ACTN3: variants seen among roughly 807,000 people sequenced by gnomAD.
ACTN3 encodes actinin alpha 3.
A neutral mutation model predicts 119.6 loss-of-function variants in ACTN3; 91 were observed. The observed-to-expected ratio is 0.76, with a 90% CI of 0.64 to 0.91. ACTN3 has a LOEUF of 0.91. Among genes scored for constraint, ACTN3 ranks in the 40% least tolerant of loss-of-function variants. The pLI is 0.00. For synonymous variants in ACTN3, 456 were observed against 478.8 expected (o/e 0.95, Z 0.62); for missense variants, 1,221 against 1,215.1 (o/e 1.00, Z -0.07).
At position 66,555,693 on chromosome 11, in the gene ACTN3, G is replaced by A. The variant is rs142293523; in HGVS notation, c.718+326G>A. Among the ~76,000 whole-genome samples, 18 of 152,334 alleles carry A rather than the reference G, an allele frequency of 1.2e-4. No homozygotes were observed. In the East Asian group the frequency reaches 2.5e-3, roughly 21 times the overall value. On this transcript the variant is annotated intron_variant, in intron 7 of 20. Transcript: ENST00000513398. Reference sequence around the variant, plus strand: ...GTCCTGCCTGTGGTCCCCATGCCTAGGCAAGGCAATAGTCAACTGAAGCAG... The same window carrying A: ...GTCCTGCCTGTGGTCCCCATGCCTAAGCAAGGCAATAGTCAACTGAAGCAG...
intron 19 of ACTN3, 129 bp downstream of exon 19, chr11:66,562,451 G>T: frequency 8.7e-7 from 1 of 1,148,338 alleles, no homozygotes; most frequent in Non-Finnish European, 1.3e-6. Flanking sequence ...ACAGGGGCTA[G>T]CAAGGCTCAG....
chr11:66,549,935 C>T (rs1323455486), intron 1 of ACTN3, among the ~76,000 whole-genome samples: 8 of 152,140 alleles, frequency 5.3e-5, no homozygotes, highest in Admixed American at 3.9e-4. Context: ...GAAGCTCACT[C>T]CCTTTCCTTA....
At chr11:66,553,853 C>CAAAAAA (rs11448724) in intron 3 of ACTN3, among the ~76,000 whole-genome samples, 192 bp from the exon 4 acceptor site, 28 of 81,380 alleles carry the variant, frequency 3.4e-4, no homozygotes, top group Middle Eastern at 6.6e-3. Context: ...GACTCCATCT[C>CAAAAAA]AAAAAAAAAA....
chr11:66,555,608 C>T (rs537182467), intron 7 of ACTN3, among the ~76,000 whole-genome samples: 8 of 152,280 alleles, frequency 5.3e-5, no homozygotes, highest in African/African-American at 1.9e-4. Context: ...GCCTCACATC[C>T]CAGTTACCTG....
chr11:66,559,443 G>A (rs941454386), intron 12 of ACTN3, 57 bp downstream of exon 12: 17 of 1,382,116 alleles, frequency 1.2e-5, no homozygotes, highest in South Asian at 1.6e-5. Flanking sequence ...CCCCGGTGGC[G>A]AGCCCCACCC....
chr11:66,561,159 AG>A (rs1857749787), intron 15 of ACTN3, 67 bp from the exon 16 acceptor site: 1 of 1,456,238 alleles, frequency 6.9e-7, no homozygotes, highest in South Asian at 1.5e-5. Flanking sequence ...GAGGGGCTGG[AG>A]CCCATCTCCC....
At position 66,554,485 on chromosome 11, in the gene ACTN3, G is replaced by A; in HGVS notation, c.470-51G>A. ...AAAAAAAAAAAAAGAAGTGTGAGAG[G>A]GCTGACCTGGACCCCTTCCCAATGA... is the stretch of plus-strand genomic sequence containing the variant. On this transcript the variant is annotated intron_variant, in intron 4 of 20. Coordinates refer to ENST00000513398, the MANE Select transcript of ACTN3 (RefSeq NM_001104.4). 3 of 1,406,246 alleles carry A rather than the reference G, an allele frequency of 2.1e-6. No homozygotes were observed. The South Asian group carries it at 4.0e-5, about 19-fold the overall frequency. 87.1% of individuals were successfully genotyped at this position (1,406,246 alleles called of 1,614,324 possible). A position where few individuals can be genotyped will look rare whatever the true frequency, so the allele number is the denominator to read the frequency against.
intron 7 of ACTN3, among the ~76,000 whole-genome samples, chr11:66,555,886 C>T (rs1490732044): frequency 2.0e-5 from 3 of 152,204 alleles, no homozygotes; most frequent in South Asian, 4.1e-4. Context: ...CAGTCCCTCA[C>T]GAGGGCCACA....
upstream of ACTN3, chr11:66,546,754 G>A (rs1857351393): frequency 6.5e-7 from 1 of 1,535,214 alleles, no homozygotes; most frequent in Non-Finnish European, 8.7e-7. Flanking sequence ...CCCGAGTCCC[G>A]CAGTTCCCGG....
chr11:66,559,826 A>T (rs1045777825), intron 12 of ACTN3, 142 bp from the exon 13 acceptor site: 3 of 838,922 alleles, frequency 3.6e-6, no homozygotes, highest in Non-Finnish European at 5.7e-6. Flanking sequence ...CCCCTCTTGG[A>T]AAGCACCCAG....
At chr11:66,555,087 C>T in intron 5 of ACTN3, 43 bp from the exon 6 acceptor site, 1 of 1,601,440 alleles carries the variant, frequency 6.2e-7, no homozygotes, top group East Asian at 2.2e-5. Context: ...GAACGGGGCC[C>T]CAGCTTGAAC....
chr11:66,559,093 C>T (rs998404291), intron 11 of ACTN3, 143 bp from the exon 12 acceptor site: 1 of 852,530 alleles, frequency 1.2e-6, no homozygotes, highest in Non-Finnish European at 1.6e-6. Flanking sequence ...GTTATTACAC[C>T]GACGCCGCAG....
chr11:66,558,294 C>A, intron 11 of ACTN3, 120 bp downstream of exon 11: 2 of 1,415,214 alleles, frequency 1.4e-6, no homozygotes, highest in South Asian at 1.4e-5. Flanking sequence ...TGCAGGAAAG[C>A]CAGAGACTGG....
chr11:66,546,867 T>C (rs889014083), upstream of ACTN3: 2 of 1,508,678 alleles, frequency 1.3e-6, no homozygotes, highest in Non-Finnish European at 1.8e-6. Flanking sequence ...GGGGCTGGGC[T>C]GGGCCCTACT....
At chr11:66,558,519 C>T (rs529751150) in intron 11 of ACTN3, among the ~76,000 whole-genome samples, 5 of 152,294 alleles carry the variant, frequency 3.3e-5, no homozygotes, top group Admixed American at 2.6e-4. Flanking sequence ...AGGCGTGCAC[C>T]ACCACGCCCA....
intron 4 of ACTN3, 95 bp downstream of exon 4, chr11:66,554,226 G>A: frequency 1.0e-6 from 1 of 975,392 alleles, no homozygotes; most frequent in East Asian, 2.6e-5. Flanking sequence ...CCACTTGAAG[G>A]ATCGCCCAGG....
chr11:66,550,768 G>A (rs945163883), intron 1 of ACTN3, among the ~76,000 whole-genome samples: 1 of 151,710 alleles, frequency 6.6e-6, no homozygotes, highest in Non-Finnish European at 1.5e-5. Flanking sequence ...ACCCTAGAAG[G>A]TCAGTAGCAC....
chr11:66,558,288 G>T, intron 11 of ACTN3, 114 bp downstream of exon 11: 1 of 1,452,910 alleles, frequency 6.9e-7, no homozygotes, highest in African/African-American at 1.4e-5. Flanking sequence ...GTGCTCTGCA[G>T]GAAAGCCAGA....
intron 1 of ACTN3, 104 bp from the exon 2 acceptor site, chr11:66,551,135 C>T (rs1565303367): frequency 1.2e-6 from 1 of 848,174 alleles, no homozygotes; most frequent in Non-Finnish European, 2.0e-6. Context: ...GACTTGAATC[C>T]AGAAATACAA....
Sources: allele counts gnomAD v4.1 joint callset (sites outside exome capture counted in the v4.1 genomes callset), GRCh38; gene constraint gnomAD v4.1.1; transcripts MANE v1.5; gene names NCBI Gene and HGNC (gene_info 2026-07-23, HGNC 2026-07-21).